Variants in INPP4B observed in about 807,000 individuals in gnomAD.
INPP4B encodes inositol polyphosphate-4-phosphatase type II B, also known as inositol polyphosphate 4-phosphatase type II.
INPP4B carries 55 observed loss-of-function variants against 122.5 expected under a neutral mutation model. The ratio of observed to expected loss-of-function variants is 0.45; its 90% CI spans 0.36 to 0.56. INPP4B has a LOEUF of 0.56. Ranked by LOEUF, INPP4B falls within the 20% of genes least tolerant of loss-of-function variation. The pLI is 0.00. For missense variants in INPP4B, 1,000 were observed against 1,097.7 expected, an observed-to-expected ratio of 0.91 and a Z score of 1.26; for synonymous variants, 403 against 388.7, an observed-to-expected ratio of 1.04 and a Z score of -0.43.
At chr4:142,420,829 C>G (rs1466932536) in intron 5 of INPP4B, among the ~76,000 whole-genome samples, 3 of 152,108 alleles carry the variant, frequency 2.0e-5, no homozygotes, top group Admixed American at 2.0e-4. Context: ...AGAAGGTGTT[C>G]AGCAAGTGAT....
At chr4:142,160,293 T>C in intron 17 of INPP4B, 65 bp downstream of exon 17, 1 of 1,079,402 alleles carries the variant, frequency 9.3e-7, no homozygotes, top group Non-Finnish European at 1.3e-6. Context: ...CAGAGCTATC[T>C]GATCATTCCT....
chr4:142,709,014 C>A (rs1022775659), intron 2 of INPP4B, among the ~76,000 whole-genome samples: 2 of 152,154 alleles, frequency 1.3e-5, no homozygotes, highest in Non-Finnish European at 2.9e-5. Context: ...CTTGGGAGCC[C>A]ATCCCTTGCA....
intron 2 of INPP4B, among the ~76,000 whole-genome samples, chr4:142,473,681 GTC>G (rs1398252970): frequency 6.6e-6 from 1 of 152,212 alleles, no homozygotes; most frequent in African/African-American, 2.4e-5. Context: ...TTAGGTTCTA[GTC>G]CAGCGGTCCC....
intron 3 of INPP4B, among the ~76,000 whole-genome samples, chr4:142,432,853 C>T (rs1809629350): frequency 6.6e-6 from 1 of 152,108 alleles, no homozygotes; most frequent in Non-Finnish European, 1.5e-5. Context: ...AGCAAAATAA[C>T]ACCTCAGCAC....
chr4:142,654,697 G>A (rs1478727850), intron 2 of INPP4B: 1 of 152,032 alleles, frequency 6.6e-6, no homozygotes, highest in Non-Finnish European at 1.5e-5. Context: ...TTACAAAGGA[G>A]ACAAGGAGAC....
chr4:142,843,987 C>T (rs892653692), intron 1 of INPP4B, among the ~76,000 whole-genome samples: 6 of 152,096 alleles, frequency 3.9e-5, no homozygotes, highest in Non-Finnish European at 7.4e-5. Context: ...CCATTTCACA[C>T]AACTAAAATA....
intron 1 of INPP4B, among the ~76,000 whole-genome samples, chr4:142,733,984 G>A (rs1347419792): frequency 6.6e-6 from 1 of 152,148 alleles, no homozygotes; most frequent in East Asian, 1.9e-4. Flanking sequence ...AAGTCACATG[G>A]AAAAAGTATG....
At chr4:142,617,938 G>A (rs1236163483) in intron 2 of INPP4B, among the ~76,000 whole-genome samples, 1 of 151,980 alleles carries the variant, frequency 6.6e-6, no homozygotes, top group African/African-American at 2.4e-5. Flanking sequence ...AAATGAGCTA[G>A]TCCAAATTAT....
intron 18 of INPP4B, among the ~76,000 whole-genome samples, chr4:142,125,531 C>T (rs1021299468): frequency 6.6e-6 from 1 of 152,068 alleles, no homozygotes; most frequent in East Asian, 1.9e-4. Context: ...ATCTTGTTCT[C>T]TCATCTCAAT....
intron 16 of INPP4B, among the ~76,000 whole-genome samples, chr4:142,164,723 T>C (rs968560609): frequency 2.0e-5 from 3 of 151,674 alleles, no homozygotes; most frequent in Admixed American, 6.6e-5. Context: ...CATGGTCTTT[T>C]TATTTATTAT....
At chr4:142,525,206 G>C (rs79366575) in intron 2 of INPP4B, among the ~76,000 whole-genome samples, 10,433 of 151,952 alleles carry the variant, frequency 0.069, 511 homozygotes, top group Non-Finnish European at 0.1. Context: ...TCTTCAAGGA[G>C]AACTACAAAC....
At chr4:142,412,296 T>C (rs1156562596) in intron 5 of INPP4B, among the ~76,000 whole-genome samples, 2 of 152,192 alleles carry the variant, frequency 1.3e-5, no homozygotes, top group Admixed American at 6.5e-5. Flanking sequence ...CTAATTACTT[T>C]ATTAGTATAA....
At chr4:142,291,008 C>G (rs1229674920) in intron 9 of INPP4B, among the ~76,000 whole-genome samples, 6 of 152,104 alleles carry the variant, frequency 3.9e-5, no homozygotes, top group Admixed American at 3.9e-4. Flanking sequence ...TTATGAGATA[C>G]AGTCTGCTCT....
At chr4:142,515,140 T>C (rs1825259745) in intron 2 of INPP4B, among the ~76,000 whole-genome samples, 1 of 152,164 alleles carries the variant, frequency 6.6e-6, no homozygotes, top group African/African-American at 2.4e-5. Flanking sequence ...ATCTTAGTAG[T>C]AGCAAAAACA....
intron 11 of INPP4B, among the ~76,000 whole-genome samples, chr4:142,259,885 G>A (rs2150371682): frequency 6.6e-6 from 1 of 152,084 alleles, no homozygotes; most frequent in South Asian, 2.1e-4. Flanking sequence ...ATGTTACTAG[G>A]CAATAGAAAT....
chr4:142,832,955 C>T (rs1171491158), intron 1 of INPP4B, among the ~76,000 whole-genome samples: 1 of 152,078 alleles, frequency 6.6e-6, no homozygotes, highest in Non-Finnish European at 1.5e-5. Context: ...TGTTGCTTCC[C>T]TTTTGCTGAA....
chr4:142,028,953 G>A (rs1560864026), intron 25 of INPP4B, 39 bp from the exon 26 acceptor site: 1 of 1,587,772 alleles, frequency 6.3e-7, no homozygotes. Flanking sequence ...ATGAAACACA[G>A]AATAAATAAA....
chr4:142,321,028 T>C (rs1266907578), intron 7 of INPP4B, among the ~76,000 whole-genome samples: 1 of 152,228 alleles, frequency 6.6e-6, no homozygotes, highest in South Asian at 2.1e-4. Flanking sequence ...TTTTAGTATG[T>C]TAAGGAATCT....
chr4:142,784,544 G>T (rs1321620281), intron 1 of INPP4B, among the ~76,000 whole-genome samples: 1 of 151,942 alleles, frequency 6.6e-6, no homozygotes, highest in Non-Finnish European at 1.5e-5. Flanking sequence ...AGCAAAAGCT[G>T]CTGGAGCCAT....
Sources: gnomAD v4.1 joint callset for allele counts (sites outside exome capture counted in the v4.1 genomes callset) on GRCh38, gnomAD v4.1.1 for gene constraint, MANE v1.5 for transcripts, NCBI Gene and HGNC (gene_info 2026-07-23, HGNC 2026-07-21) for gene names.